The following ZDHHC14 variants were observed in gnomAD, a reference collection of about 807,000 sequenced individuals.
The protein encoded by ZDHHC14 is palmitoyltransferase ZDHHC14.
Under a neutral mutation model 47.7 loss-of-function variants are expected in ZDHHC14, and 16 were observed. The ratio of observed to expected loss-of-function variants is 0.34; its 90% confidence interval spans 0.23 to 0.51. ZDHHC14 has a LOEUF of 0.51. Ranked by LOEUF, ZDHHC14 falls within the 20% of genes least tolerant of loss-of-function variation. The probability of loss-of-function intolerance (pLI) is 0.97; values close to 1 mark genes in which losing one functional copy is unlikely to be tolerated. For missense variants in ZDHHC14, 515 were observed against 662.5 expected, an observed-to-expected ratio of 0.78 and a Z score of 2.44; for synonymous variants, 293 against 278.9, an observed-to-expected ratio of 1.05 and a Z score of -0.50.
intron 2 of ZDHHC14, among the ~76,000 whole-genome samples, chr6:157,570,707 T>C (rs1426393373): frequency 2.0e-5 from 3 of 152,058 alleles, no homozygotes; most frequent in Admixed American, 2.0e-4. Flanking sequence ...CACTTTCTTT[T>C]TATTGTTTTT....
chr6:157,441,282 C>G (rs1272534739), intron 1 of ZDHHC14, among the ~76,000 whole-genome samples: 8 of 152,328 alleles, frequency 5.3e-5, no homozygotes, highest in African/African-American at 1.9e-4. Flanking sequence ...GGTTTCCGAT[C>G]ATTTGAGACG....
chr6:157,554,880 G>T (rs1219107068), intron 2 of ZDHHC14, among the ~76,000 whole-genome samples: 1 of 152,196 alleles, frequency 6.6e-6, no homozygotes, highest in African/African-American at 2.4e-5. Flanking sequence ...GACTTCTTGG[G>T]CAGGGTCAGT....
intron 3 of ZDHHC14, among the ~76,000 whole-genome samples, chr6:157,611,513 C>T (rs1478766898): frequency 1.3e-5 from 2 of 152,122 alleles, no homozygotes; most frequent in African/African-American, 4.8e-5. Flanking sequence ...TTTCTGGGGC[C>T]TCCCGGGCAC....
intron 3 of ZDHHC14, among the ~76,000 whole-genome samples, chr6:157,622,321 G>A (rs1036512743): frequency 1.3e-5 from 2 of 151,964 alleles, no homozygotes; most frequent in Non-Finnish European, 2.9e-5. Flanking sequence ...AACCCGGGAG[G>A]CAGAGGCTGC....
intron 1 of ZDHHC14, among the ~76,000 whole-genome samples, chr6:157,445,214 A>G (rs576443423): frequency 3.3e-5 from 5 of 152,160 alleles, no homozygotes; most frequent in African/African-American, 1.2e-4. Flanking sequence ...AAACCTGTTG[A>G]AAATAATAGC....
At chr6:157,504,816 T>TTTTGC (rs1206784584) in intron 1 of ZDHHC14, among the ~76,000 whole-genome samples, 4 of 151,992 alleles carry the variant, frequency 2.6e-5, no homozygotes, top group Non-Finnish European at 5.9e-5. Flanking sequence ...TTTTGTTTTG[T>TTTTGC]TTTGTTTTGT....
intron 1 of ZDHHC14, among the ~76,000 whole-genome samples, chr6:157,512,576 C>T (rs961939998): frequency 6.6e-6 from 1 of 152,156 alleles, no homozygotes; most frequent in African/African-American, 2.4e-5. Flanking sequence ...GGTGCAGTGG[C>T]TCACATCTGC....
intron 1 of ZDHHC14, among the ~76,000 whole-genome samples, chr6:157,392,033 A>G (rs938579139): frequency 1.2e-4 from 18 of 152,052 alleles, no homozygotes; most frequent in Admixed American, 4.6e-4. Flanking sequence ...GTCATTTTGT[A>G]TGTAATGCGG....
chr6:157,571,177 C>A (rs1232801403), intron 2 of ZDHHC14, among the ~76,000 whole-genome samples: 2 of 152,218 alleles, frequency 1.3e-5, no homozygotes, highest in Non-Finnish European at 2.9e-5. Flanking sequence ...AAAGTTCAAG[C>A]AAATAGCCAC....
chr6:157,439,856 G>C (rs1216963531), intron 1 of ZDHHC14, among the ~76,000 whole-genome samples: 1 of 152,148 alleles, frequency 6.6e-6, no homozygotes, highest in East Asian at 1.9e-4. Context: ...CATGTCCTTT[G>C]CAGGGCCATG....
chr6:157,522,976 T>C (rs1562461068), intron 1 of ZDHHC14, among the ~76,000 whole-genome samples: 124 of 35,734 alleles, frequency 3.5e-3, no homozygotes, highest in African/African-American at 0.02. Context: ...TTTTCTTTTC[T>C]TTTCTTTTTC....
intron 3 of ZDHHC14, among the ~76,000 whole-genome samples, chr6:157,622,203 T>C (rs1183630740): frequency 9.9e-4 from 105 of 106,462 alleles, no homozygotes; most frequent in Admixed American, 3.2e-3. Flanking sequence ...AAATCCCATC[T>C]CCACTAAAAA....
chr6:157,592,942 A>G, intron 2 of ZDHHC14, 46 bp from the exon 3 acceptor site: 1 of 1,555,682 alleles, frequency 6.4e-7, no homozygotes, highest in Non-Finnish European at 8.7e-7. Context: ...GCCGAGGCAG[A>G]GGGAGGCTCT....
At chr6:157,526,890 TAGAG>T (rs888411738) in intron 1 of ZDHHC14, among the ~76,000 whole-genome samples, 4 of 152,128 alleles carry the variant, frequency 2.6e-5, no homozygotes, top group East Asian at 1.9e-4. Flanking sequence ...TGCTGGCTCA[TAGAG>T]AGAGGTTCTA....
At chr6:157,450,464 G>A (rs1182635202) in intron 1 of ZDHHC14, among the ~76,000 whole-genome samples, 2 of 149,098 alleles carry the variant, frequency 1.3e-5, no homozygotes, top group Non-Finnish European at 3.0e-5. Flanking sequence ...GTAGTGAGCC[G>A]AGATCGCGCC....
intron 1 of ZDHHC14, among the ~76,000 whole-genome samples, chr6:157,415,114 T>C (rs750466504): frequency 3.3e-5 from 5 of 152,206 alleles, no homozygotes; most frequent in Non-Finnish European, 7.3e-5. Context: ...AGAACTATAC[T>C]GATAATATTT....
chr6:157,659,876 C>T (rs774680001), intron 8 of ZDHHC14, among the ~76,000 whole-genome samples: 3 of 152,204 alleles, frequency 2.0e-5, no homozygotes, highest in Admixed American at 6.5e-5. Context: ...TACACAAATC[C>T]GTTAGTGCTG....
intron 1 of ZDHHC14, among the ~76,000 whole-genome samples, chr6:157,392,879 T>A (rs181998444): frequency 6.3e-4 from 96 of 152,242 alleles, no homozygotes; most frequent in South Asian, 5.6e-3. Context: ...CAATTTTTTT[T>A]AATTATTTTT....
chr6:157,574,458 A>G lies in ZDHHC14; in HGVS notation c.407-18530A>G, dbSNP rs142241574. On this transcript the variant is annotated intron_variant, in intron 2 of 8. Transcript: ENST00000359775. ...TGGAGCACCCGTGTCATTGCTGAAT[A>G]CTTACCTCCAGCCTAGGCCCTTCCT... Among the ~76,000 whole-genome samples the G allele has an allele frequency of 4.6e-3, 696 of 152,198 alleles. 8 individuals are homozygous for G. The highest frequency in any genetic ancestry group is 0.016 in the African/African-American group (653 of 41,528).
Sources: gnomAD v4.1 joint callset for allele counts (sites outside exome capture counted in the v4.1 genomes callset) on GRCh38, gnomAD v4.1.1 for gene constraint, MANE v1.5 for transcripts, NCBI Gene and HGNC (gene_info 2026-07-23, HGNC 2026-07-21) for gene names.